GRAMD1C: variants seen among roughly 807,000 people sequenced by gnomAD.
GRAMD1C encodes the protein GRAM domain containing 1C.
GRAMD1C carries 89 observed loss-of-function variants against 97.8 expected under a neutral mutation model. The ratio of observed to expected loss-of-function variants is 0.91; its 90% CI spans 0.77 to 1.09. The LOEUF (loss-of-function observed/expected upper bound fraction) is 1.09. Ranked by LOEUF, GRAMD1C falls within the 50% of genes least tolerant of loss-of-function variation. The pLI is 0.00. For synonymous variants in GRAMD1C, 256 were observed against 267.0 expected, an observed-to-expected ratio of 0.96 and a Z score of 0.40; for missense variants, 740 against 766.4, an observed-to-expected ratio of 0.97 and a Z score of 0.41.
chr3:113,892,177 A>G (rs1024859283), intron 6 of GRAMD1C, among the ~76,000 whole-genome samples: 17 of 152,064 alleles, frequency 1.1e-4, no homozygotes, highest in African/African-American at 3.6e-4. Context: ...TTTTCTCTTC[A>G]TAAGACTGCT....
At chr3:113,877,624 A>G (rs1217724478) in intron 5 of GRAMD1C, among the ~76,000 whole-genome samples, 1 of 152,190 alleles carries the variant, frequency 6.6e-6, no homozygotes, top group Non-Finnish European at 1.5e-5. Flanking sequence ...ATACATGGAA[A>G]TGATGCTCTG....
intron 11 of GRAMD1C, among the ~76,000 whole-genome samples, chr3:113,931,179 A>G (rs979006267): frequency 6.6e-6 from 1 of 152,154 alleles, no homozygotes; most frequent in Non-Finnish European, 1.5e-5. Flanking sequence ...TATGGATGAC[A>G]TTATATTGAT....
chr3:113,926,117 T>G (rs1413116839), intron 10 of GRAMD1C, among the ~76,000 whole-genome samples: 1 of 151,998 alleles, frequency 6.6e-6, no homozygotes, highest in Non-Finnish European at 1.5e-5. Flanking sequence ...GTTGGGGAAG[T>G]TTTTGTGGAT....
intron 6 of GRAMD1C, among the ~76,000 whole-genome samples, chr3:113,894,289 T>G (rs1287258951): frequency 6.6e-6 from 1 of 152,156 alleles, no homozygotes; most frequent in Non-Finnish European, 1.5e-5. Context: ...TACTGTTGTT[T>G]TTTTTTTGAA....
chr3:113,941,620 ATTTT>A (rs11378575), intron 17 of GRAMD1C, among the ~76,000 whole-genome samples: 1 of 139,530 alleles, frequency 7.2e-6, no homozygotes. Flanking sequence ...TGGTGTTGCA[ATTTT>A]TTTTTTTTTT....
At chr3:113,901,444 T>A (rs540337207) in intron 7 of GRAMD1C, among the ~76,000 whole-genome samples, 1 of 152,320 alleles carries the variant, frequency 6.6e-6, no homozygotes, top group East Asian at 1.9e-4. Context: ...TCTCTGAGTT[T>A]ATAGATGACA....
chr3:113,849,001 A>C (rs942904339), intron 2 of GRAMD1C, among the ~76,000 whole-genome samples: 1 of 152,228 alleles, frequency 6.6e-6, no homozygotes, highest in Middle Eastern at 3.4e-3. Flanking sequence ...ACAAACAACC[A>C]AAAAACTCTT....
intron 2 of GRAMD1C, among the ~76,000 whole-genome samples, chr3:113,855,404 T>C (rs1317220128): frequency 6.6e-6 from 1 of 151,832 alleles, no homozygotes; most frequent in African/African-American, 2.4e-5. Context: ...AGTAATACTT[T>C]GATCAATAAT....
Position 113,921,218 on chromosome 3 carries a change from A to G in GRAMD1C, c.1090+5380A>G, listed in dbSNP as rs141492774. ...AGGATAATGGCCTCCAGCTCCATAC[A>G]TGTTGCTACAAAGGGCATGACCTTG... On this transcript the variant is annotated intron_variant, in intron 10 of 17. Coordinates refer to ENST00000358160, the MANE Select transcript of GRAMD1C (RefSeq NM_017577.5). Among the ~76,000 whole-genome samples, 675 of 152,282 alleles carry G rather than the reference A, an allele frequency of 4.4e-3. 7 individuals carry two copies. The highest frequency in any genetic ancestry group is 0.015 in the African/African-American group (641 of 41,550).
intron 9 of GRAMD1C, among the ~76,000 whole-genome samples, chr3:113,910,395 A>G (rs1036433310): frequency 2.0e-5 from 3 of 152,188 alleles, no homozygotes; most frequent in Admixed American, 6.5e-5. Context: ...AAAACAAAAC[A>G]AAACAGAAAA....
At chr3:113,866,443 T>A (rs1402050322) in intron 2 of GRAMD1C, among the ~76,000 whole-genome samples, 1 of 152,170 alleles carries the variant, frequency 6.6e-6, no homozygotes, top group Non-Finnish European at 1.5e-5. Flanking sequence ...AACTAAGGTG[T>A]GTGTCTCTTG....
At chr3:113,862,232 T>C (rs549404104) in intron 2 of GRAMD1C, among the ~76,000 whole-genome samples, 14 of 152,306 alleles carry the variant, frequency 9.2e-5, no homozygotes, top group African/African-American at 3.4e-4. Flanking sequence ...GGAATTTCCT[T>C]GTCCTAATAA....
chr3:113,839,932 T>G (rs947991246), intron 1 of GRAMD1C, among the ~76,000 whole-genome samples: 1 of 152,104 alleles, frequency 6.6e-6, no homozygotes, highest in Non-Finnish European at 1.5e-5. Context: ...CAAATTTGAT[T>G]CAGGTGTAGA....
intron 9 of GRAMD1C, among the ~76,000 whole-genome samples, chr3:113,911,711 C>CTTTCTTTCT (rs1553723623): frequency 7.3e-6 from 1 of 136,466 alleles, no homozygotes; most frequent in Non-Finnish European, 1.6e-5. Flanking sequence ...TTCCTTCCTT[C>CTTTCTTTCT]CTTCCTTCCT....
At chr3:113,886,061 T>A (rs1488718835) in intron 6 of GRAMD1C, 2 of 280,604 alleles carry the variant, frequency 7.1e-6, no homozygotes, top group Non-Finnish European at 8.3e-6. Context: ...TGGGTTGGGG[T>A]GGGGGGGCGG....
rs1938032001 is a variant in GRAMD1C at position 113,945,573 on chromosome 3, T to G, written c.*95T>G. 1.5e-6 allele frequency: 1 copy of G among 687,932 alleles called. No homozygotes were observed. Among genetic ancestry groups the G allele is most frequent in the Non-Finnish European group, 2.6e-6 (1 of 384,898 alleles). 42.6% of individuals were successfully genotyped at this position (687,932 alleles called of 1,614,324 possible). ...ATGAAGGATTTTGGCATAGAACATT[T>G]CTATGTTTTTTCATTATTGAGATTT... On this transcript the variant is annotated 3_prime_UTR_variant, in exon 18 of 18. Transcript: ENST00000358160.
At chr3:113,850,179 C>G (rs781580756) in intron 2 of GRAMD1C, 17 of 448,714 alleles carry the variant, frequency 3.8e-5, no homozygotes, top group Non-Finnish European at 6.4e-5. Context: ...ATTGTATATA[C>G]TTACTTTTTT....
chr3:113,932,708 G>A (rs1321401334), intron 11 of GRAMD1C, among the ~76,000 whole-genome samples: 2 of 152,088 alleles, frequency 1.3e-5, no homozygotes, highest in Admixed American at 6.6e-5. Context: ...ATTTCTGTAA[G>A]TCCCTTTCTC....
chr3:113,929,065 G>A (rs1345810748), intron 10 of GRAMD1C, among the ~76,000 whole-genome samples: 5 of 152,144 alleles, frequency 3.3e-5, no homozygotes, highest in African/African-American at 9.7e-5. Flanking sequence ...CATACTGGCT[G>A]TATCATTTTA....
Sources: gnomAD v4.1 joint callset for allele counts (sites outside exome capture counted in the v4.1 genomes callset) on GRCh38, gnomAD v4.1.1 for gene constraint, MANE v1.5 for transcripts, NCBI Gene and HGNC (gene_info 2026-07-23, HGNC 2026-07-21) for gene names.